Variants in ZNF277 observed in about 807,000 individuals in gnomAD.
The protein encoded by ZNF277 is nuclear receptor-interacting factor 4.
In ZNF277, 55 loss-of-function variants were observed where a neutral mutation model predicts 60.7. The ratio of observed to expected loss-of-function variants is 0.91; its 90% confidence interval spans 0.73 to 1.13. The LOEUF (loss-of-function observed/expected upper bound fraction) is 1.13. Ranked by LOEUF, ZNF277 falls within the 50% of genes most tolerant of loss-of-function variation. The probability of loss-of-function intolerance (pLI) is 0.00; values close to 1 mark genes in which losing one functional copy is unlikely to be tolerated. For synonymous variants in ZNF277, 178 were observed against 179.3 expected (o/e 0.99, Z 0.06); for missense variants, 510 against 523.0 (o/e 0.98, Z 0.24).
At chr7:112,231,537 T>A in intron 1 of ZNF277, among the ~76,000 whole-genome samples, 1 of 152,182 alleles carries the variant, frequency 6.6e-6, no homozygotes, top group Non-Finnish European at 1.5e-5. Flanking sequence ...AAGTCTCTGA[T>A]GAATGCCATC....
Position 112,259,416 on chromosome 7 carries a change from A to G in ZNF277, c.92-27457A>G, listed in dbSNP as rs546884796. ...AATCTAGGAATAAAAATTACGTAGT[A>G]GTAGAGTGCCACGACCCCCAAATCT... On this transcript the variant is annotated intron_variant, in intron 1 of 11. Transcript: ENST00000361822. Among the ~76,000 whole-genome samples, 67 of 152,272 alleles carry G rather than the reference A, an allele frequency of 4.4e-4. No individual in the cohort carries two copies. In the South Asian group the frequency reaches 0.013, roughly 31 times the overall value.
chr7:112,262,544 T>C (rs1791461880), intron 1 of ZNF277, among the ~76,000 whole-genome samples: 1 of 152,144 alleles, frequency 6.6e-6, no homozygotes, highest in South Asian at 2.1e-4. Context: ...TCTGTATTGA[T>C]ATATTAAAGG....
At chr7:112,262,820 A>T (rs1472968343) in intron 1 of ZNF277, among the ~76,000 whole-genome samples, 1 of 152,184 alleles carries the variant, frequency 6.6e-6, no homozygotes, top group Non-Finnish European at 1.5e-5. Context: ...GCCTAACTTC[A>T]TAGGGACTTA....
At chr7:112,275,629 TTTG>T (rs1489714483) in intron 1 of ZNF277, among the ~76,000 whole-genome samples, 1 of 152,204 alleles carries the variant, frequency 6.6e-6, no homozygotes, top group Non-Finnish European at 1.5e-5. Flanking sequence ...TAAAGAGGGA[TTTG>T]TTTTTAATCC....
chr7:112,305,562 T>A (rs1369120324), intron 4 of ZNF277, among the ~76,000 whole-genome samples: 2 of 152,060 alleles, frequency 1.3e-5, no homozygotes, highest in African/African-American at 4.8e-5. Flanking sequence ...AGTCATAGAC[T>A]ACAGTGCCCA....
chr7:112,217,656 C>G (rs1173306329), intron 1 of ZNF277, among the ~76,000 whole-genome samples: 1 of 152,108 alleles, frequency 6.6e-6, no homozygotes, highest in East Asian at 1.9e-4. Context: ...AGCCCTTTCC[C>G]AAAACAAACC....
chr7:112,257,086 G>A (rs1178199132), intron 1 of ZNF277, among the ~76,000 whole-genome samples: 1 of 152,042 alleles, frequency 6.6e-6, no homozygotes, highest in Non-Finnish European at 1.5e-5. Flanking sequence ...TTTTTCAATG[G>A]GATTACACAC....
chr7:112,242,567 A>C (rs1181110361), intron 1 of ZNF277, among the ~76,000 whole-genome samples: 2 of 138,190 alleles, frequency 1.4e-5, no homozygotes, highest in African/African-American at 5.0e-5. Context: ...CAAAAAAAAA[A>C]AAAAAACAAA....
intron 5 of ZNF277, among the ~76,000 whole-genome samples, chr7:112,327,326 A>C (rs1305367030): frequency 2.0e-5 from 3 of 152,174 alleles, no homozygotes; most frequent in Non-Finnish European, 4.4e-5. Context: ...TCGCGCTCCT[A>C]TGAGAATCTA....
At chr7:112,329,751 A>C (rs1326680690) in intron 6 of ZNF277, among the ~76,000 whole-genome samples, 1 of 152,162 alleles carries the variant, frequency 6.6e-6, no homozygotes, top group Non-Finnish European at 1.5e-5. Context: ...GCAAGTCATT[A>C]TAATTAATTG....
chr7:112,297,979 A>AG (rs975382872), intron 4 of ZNF277, among the ~76,000 whole-genome samples: 11 of 152,300 alleles, frequency 7.2e-5, no homozygotes, highest in African/African-American at 2.6e-4. Context: ...TTTACTTTAC[A>AG]GTTTGATAGT....
At chr7:112,260,795 A>T (rs1240141192) in intron 1 of ZNF277, among the ~76,000 whole-genome samples, 1 of 152,220 alleles carries the variant, frequency 6.6e-6, no homozygotes, top group African/African-American at 2.4e-5. Context: ...TGATAGAAAT[A>T]GTTGGGCCTA....
intron 1 of ZNF277, among the ~76,000 whole-genome samples, chr7:112,244,612 A>T (rs1791038057): frequency 6.6e-6 from 1 of 152,190 alleles, no homozygotes; most frequent in Non-Finnish European, 1.5e-5. Context: ...AAGAGCAAAA[A>T]AAAGTTAGAT....
In ZNF277 at chr7:112,305,870, T is replaced by C. The variant is rs535688676; in HGVS notation, c.465+9559T>C. Among the ~76,000 whole-genome samples, 48 of 152,150 alleles carry C rather than the reference T, an allele frequency of 3.2e-4. 1 individual carries two copies. In the South Asian group the frequency reaches 7.5e-3, roughly 24 times the overall value. On this transcript the variant is annotated intron_variant, in intron 4 of 11. Transcript: ENST00000361822. ...AGTGCTTATACTAACAGACTCTGAGTGCTCACACTGTTCAAGAGAAGAGGC... is the reference window on the plus strand; with the variant it reads ...AGTGCTTATACTAACAGACTCTGAGCGCTCACACTGTTCAAGAGAAGAGGC...
At position 112,336,151 on chromosome 7, in the gene ZNF277, G is replaced by A. The variant is rs771294704; in HGVS notation, c.849G>A (p.Glu283=). 17 of 1,610,916 alleles carry A rather than the reference G, an allele frequency of 1.1e-5. No individual in the cohort carries two copies. In the South Asian group the frequency reaches 1.3e-4, roughly 13 times the overall value. Residue 283 remains glutamate, a synonymous_variant, in exon 8 of 12, where the codon GAG becomes GAA. Transcript: ENST00000361822. ...WEEVQLEDDR[E]LLDHQEDDWS... Reference sequence around the variant, plus strand: ...AAGTTCAGTTGGAAGATGATCGGGAGTTGCTGGACCATCAGGAAGAGTAAG... The same window carrying A: ...AAGTTCAGTTGGAAGATGATCGGGAATTGCTGGACCATCAGGAAGAGTAAG...
chr7:112,296,338 A>G (rs1792329253), intron 4 of ZNF277, 27 bp downstream of exon 4: 5 of 1,268,286 alleles, frequency 3.9e-6, no homozygotes, highest in Admixed American at 4.7e-5. Flanking sequence ...AAGGGTGAAT[A>G]GTGTCTTGAA....
chr7:112,330,358 T>A, intron 7 of ZNF277, 142 bp downstream of exon 7: 1 of 760,454 alleles, frequency 1.3e-6, no homozygotes. Flanking sequence ...TGATTAGCTT[T>A]GAAATGGTTA....
At position 112,206,825 on chromosome 7, in the gene ZNF277, G is replaced by C. The variant is rs1036922863; in HGVS notation, c.91+18G>C. On this transcript the variant is annotated intron_variant, in intron 1 of 11. Coordinates refer to ENST00000361822, the MANE Select transcript of ZNF277 (RefSeq NM_021994.3). ...TTATGGGGGTGAGTACGGTGCCCCG[G>C]AGGCGCGGCTGATGTGTCTTCCTTT... is the stretch of plus-strand genomic sequence containing the variant. 1.2e-6 allele frequency: 2 copies of C among 1,610,580 alleles called. No individual in the cohort carries two copies. The highest frequency in any genetic ancestry group is 2.7e-5 in the African/African-American group (2 of 74,794).
chr7:112,249,738 A>G (rs913106627), intron 1 of ZNF277, among the ~76,000 whole-genome samples: 5 of 152,212 alleles, frequency 3.3e-5, no homozygotes, highest in Non-Finnish European at 7.3e-5. Context: ...GCCTGTCTTT[A>G]CTGCAATCTC....
Sources: gnomAD v4.1 joint callset for allele counts (sites outside exome capture counted in the v4.1 genomes callset) on GRCh38, gnomAD v4.1.1 for gene constraint, MANE v1.5 for transcripts, NCBI Gene and HGNC (gene_info 2026-07-23, HGNC 2026-07-21) for gene names.